MPST: variants seen among roughly 807,000 people sequenced by gnomAD.
MPST encodes mercaptopyruvate sulfurtransferase, also known as 3-mercaptopyruvate sulfurtransferase.
A neutral mutation model predicts 28.5 loss-of-function variants in MPST; 27 were observed. The ratio of observed to expected loss-of-function variants is 0.95; its 90% CI spans 0.70 to 1.31. MPST has a LOEUF of 1.31. Among genes scored for constraint, MPST ranks in the 50% most tolerant of loss-of-function variants. The pLI is 0.00. For missense variants in MPST, 492 were observed against 471.1 expected, an observed-to-expected ratio of 1.04 and a Z score of -0.41; for synonymous variants, 204 against 209.3, an observed-to-expected ratio of 0.97 and a Z score of 0.22.
intron 1 of MPST, chr22:37,023,127 G>A (rs1569165179): frequency 6.6e-6 from 1 of 152,626 alleles, no homozygotes; most frequent in Non-Finnish European, 1.5e-5. Flanking sequence ...GCCCAGGCTG[G>A]ACAGGCAAAA....
rs187611065 is a variant in MPST, at chr22:37,024,485, C to T, written c.330C>T (p.Gly110=). 5.1e-4 allele frequency: 790 copies of T among 1,558,590 alleles called. 3 individuals are homozygous for T. In the African/African-American group the frequency reaches 8.8e-3, roughly 17 times the overall value. Residue 110 remains glycine (G), a synonymous_variant, in exon 2 of 3, where the codon GGC becomes GGT. Coordinates refer to ENST00000429360, the MANE Select transcript of MPST (RefSeq NM_021126.8). Reference sequence around the variant, plus strand: ...TCGCGGAGTACGCAGGCCGCCTGGGCGTGGGCGCGGCCACCCACGTCGTGA... The same window carrying T: ...TCGCGGAGTACGCAGGCCGCCTGGGTGTGGGCGCGGCCACCCACGTCGTGA... ...EHFAEYAGRL[G]VGAATHVVIY...
chr22:37,022,405 G>C (rs978035458), intron 1 of MPST, among the ~76,000 whole-genome samples: 1 of 152,158 alleles, frequency 6.6e-6, no homozygotes, highest in Non-Finnish European at 1.5e-5. Context: ...TTCCCCCCAG[G>C]GCTTGGCAAA....
intron 2 of MPST, chr22:37,028,753 A>AT (rs11376623): frequency 0.17 from 26,522 of 153,312 alleles, 2,424 homozygotes; most frequent in Middle Eastern, 0.22. Context: ...TACTGGCGTT[A>AT]TTTTTTTTTT....
rs1162879375 is a variant in MPST, at chr22:37,024,398, C to T, written c.243C>T (p.Asp81=). The part of the protein sequence containing the change: ...ERHIPGAAFF[D]IDQCSDRTSP... The stretch of plus-strand genomic sequence containing the variant: ...ACATCCCGGGCGCCGCTTTCTTCGA[C>T]ATCGACCAGTGCAGCGACCGCACCT... Residue 81 remains aspartate (D), a synonymous_variant, in exon 2 of 3, where the codon GAC becomes GAT. Coordinates refer to ENST00000429360, the MANE Select transcript of MPST (RefSeq NM_021126.8). 3 of 1,546,068 alleles carry T rather than the reference C, an allele frequency of 1.9e-6. No homozygotes were observed. Among genetic ancestry groups the T allele is most frequent in the East Asian group, 4.8e-5 (2 of 41,350 alleles).
intron 1 of MPST, among the ~76,000 whole-genome samples, chr22:37,021,529 G>A (rs1371922369): frequency 1.3e-5 from 2 of 152,072 alleles, no homozygotes; most frequent in Admixed American, 1.3e-4. Flanking sequence ...CTGGAGTGCA[G>A]TGGCGCGATC....
At chr22:37,026,910 A>G (rs1923566629) in intron 2 of MPST, 2 of 152,430 alleles carry the variant, frequency 1.3e-5, no homozygotes, top group South Asian at 2.1e-4. Context: ...GATTTGAATC[A>G]TTCGTTTTTG....
In MPST at chr22:37,024,281, C is replaced by T. The variant is rs1467433561; in HGVS notation, c.126C>T (p.Ala42=). The T allele has an allele frequency of 2.0e-6, 3 of 1,504,162 alleles. No individual in the cohort carries two copies. The highest frequency in any genetic ancestry group is 2.6e-6 in the Non-Finnish European group (3 of 1,132,934). 93.2% of individuals were successfully genotyped at this position (1,504,162 alleles called of 1,614,324 possible). A position where few individuals can be genotyped will look rare whatever the true frequency, so the allele number is the denominator to read the frequency against. The change falls in exon 2 of 3, where the codon GCC becomes GCT. Residue 42 remains alanine, a synonymous_variant. Coordinates refer to ENST00000429360, the MANE Select transcript of MPST (RefSeq NM_021126.8). The part of the protein sequence containing the change: ...SAQWVAEALR[A]PRAGQPLQLL... ...AATGGGTGGCGGAGGCGCTGCGGGC[C>T]CCGCGCGCTGGGCAGCCTCTGCAGC...
In MPST at chr22:37,019,813, AG is replaced by A; in HGVS notation, c.-19del. The A allele has an allele frequency of 5.2e-6, 6 of 1,146,404 alleles. No individual in the cohort carries two copies. Among genetic ancestry groups the A allele is most frequent in the African/African-American group, 1.6e-5 (1 of 61,650 alleles). The allele number at this position is 1,146,404 out of a possible 1,614,324, so 71.0% of individuals were successfully genotyped here. A position where few individuals can be genotyped will look rare whatever the true frequency, so the allele number is the denominator to read the frequency against. On this transcript the variant is annotated 5_prime_UTR_variant, in exon 1 of 3. Coordinates refer to ENST00000429360, the MANE Select transcript of MPST (RefSeq NM_021126.8). ...GGAGGGGACAGCTGCGGGCGCGGGG[AG>A]GGGGCGCCGCGCCGCGGGGGCCATG...
Position 37,024,791 on chromosome 22 carries a change from C to A in MPST, c.636C>A (p.Thr212=). 6.2e-7 allele frequency: 1 copy of A among 1,602,608 alleles called. No homozygotes were observed. Among genetic ancestry groups the A allele is most frequent in the Admixed American group, 1.7e-5 (1 of 59,922 alleles). ...GAGCCACTGGCAGGTTCCGCGGCAC[C>A]GAGCCCGAGCCCCGAGACGGTAACG... ...DSRATGRFRG[T]EPEPRDGIEP... Residue 212 remains threonine (T), a synonymous_variant, in exon 2 of 3, where the codon ACC becomes ACA. Transcript: ENST00000429360.
In MPST at chr22:37,029,519, G is replaced by T; in HGVS notation, c.*5G>T. On this transcript the variant is annotated 3_prime_UTR_variant, in exon 3 of 3. Transcript: ENST00000429360. Reference sequence around the variant, plus strand: ...GGCCGGGGGAAGACCCACTGAAGCTGGGCAGGACACAGGCGAGCTCAGGTG... The same window carrying T: ...GGCCGGGGGAAGACCCACTGAAGCTTGGCAGGACACAGGCGAGCTCAGGTG... 1.3e-6 allele frequency: 2 copies of T among 1,596,616 alleles called. No individual in the cohort carries two copies. The highest frequency in any genetic ancestry group is 1.7e-6 in the Non-Finnish European group (2 of 1,169,800).
Position 37,024,224 on chromosome 22 carries a change from G to A in MPST, c.69G>A (p.Ser23=). 3 of 1,385,282 alleles carry A rather than the reference G, an allele frequency of 2.2e-6. No homozygotes were observed. The highest frequency in any genetic ancestry group is 2.8e-6 in the Non-Finnish European group (3 of 1,077,726). 85.8% of individuals were successfully genotyped at this position (1,385,282 alleles called of 1,614,324 possible). ...GCCCGAGTGTCGCCGCCATGGCTTC[G>A]CCGCAGCTCTGCCGCGCGCTGGTGT... ...ARSPSVAAMA[S]PQLCRALVSA... Residue 23 remains serine, a synonymous_variant, in exon 2 of 3, where the codon TCG becomes TCA. Coordinates refer to ENST00000429360, the MANE Select transcript of MPST (RefSeq NM_021126.8).
intron 2 of MPST, chr22:37,026,383 A>T: frequency 6.6e-6 from 1 of 152,152 alleles, no homozygotes; most frequent in Non-Finnish European, 1.5e-5. Flanking sequence ...TGTGCTGCAC[A>T]CTTGTGCCTG....
At position 37,029,700 on chromosome 22, in the gene MPST, G is replaced by A. The variant is rs908512580; in HGVS notation, c.*186G>A. ...TGCCAGTAGGGGCGGGAGGAAAGGC[G>A]GAGGCGAGCCCTGGAGGAGGGAGGC... is the stretch of plus-strand genomic sequence containing the variant. On this transcript the variant is annotated 3_prime_UTR_variant, in exon 3 of 3. Coordinates refer to ENST00000429360, the MANE Select transcript of MPST (RefSeq NM_021126.8). 2.2e-5 allele frequency: 15 copies of A among 672,468 alleles called. No homozygotes were observed. The highest frequency in any genetic ancestry group is 7.8e-5 in the South Asian group (4 of 51,288). The allele number at this position is 672,468 out of a possible 1,614,324, so 41.7% of individuals were successfully genotyped here. A position where few individuals can be genotyped will look rare whatever the true frequency, so the allele number is the denominator to read the frequency against.
chr22:37,023,703 A>G (rs1423324158), intron 1 of MPST: 12 of 998,438 alleles, frequency 1.2e-5, no homozygotes, highest in Non-Finnish European at 1.5e-5. Flanking sequence ...GTTAGGATTC[A>G]GTGGTACCCA....
chr22:37,024,264 GC>G lies in MPST; in HGVS notation c.110del (p.Ala37GlyfsTer82), dbSNP rs1490865584. The G allele has an allele frequency of 6.8e-7, 1 of 1,461,778 alleles. No individual in the cohort carries two copies. The highest frequency in any genetic ancestry group is 9.0e-7 in the Non-Finnish European group (1 of 1,116,200). 90.6% of individuals were successfully genotyped at this position (1,461,778 alleles called of 1,614,324 possible). Reference protein sequence around the residue: ...CRALVSAQWVAEALRAPRAGQ... With the variant: ...CRALVSAQWVXEALRAPRAGQ... ...CGCGCTGGTGTCGGCGCAATGGGTG[GC>G]GGAGGCGCTGCGGGCCCCGCGCGCT... On this transcript the variant is annotated frameshift_variant, in exon 2 of 3. Transcript: ENST00000429360. LOFTEE classifies it high-confidence loss of function.
intron 1 of MPST, chr22:37,023,816 A>C (rs1207729884): frequency 2.4e-6 from 3 of 1,251,920 alleles, no homozygotes; most frequent in Non-Finnish European, 3.1e-6. Flanking sequence ...TTGCAAATAA[A>C]GCCGAGCTGC....
In MPST at chr22:37,029,475, C is replaced by A. The variant is rs752914954; in HGVS notation, c.915C>A (p.Pro305=). Residue 305 remains proline (P), a synonymous_variant, in exon 3 of 3, where the codon CCC becomes CCA. Transcript: ENST00000429360. ...TGGAGTGGTACATGCGCGCCCGGCCCGAGGATGTCATCTCAGAGGGCCGGG... is the reference window on the plus strand; with the variant it reads ...TGGAGTGGTACATGCGCGCCCGGCCAGAGGATGTCATCTCAGAGGGCCGGG... ...SWVEWYMRAR[P]EDVISEGRGK... 2 of 1,610,586 alleles carry A rather than the reference C, an allele frequency of 1.2e-6. No homozygotes were observed. Among genetic ancestry groups the A allele is most frequent in the Non-Finnish European group, 1.7e-6 (2 of 1,178,272 alleles).
chr22:37,020,138 A>C, intron 1 of MPST: 1 of 371,992 alleles, frequency 2.7e-6, no homozygotes. Context: ...AGAGAGGAGG[A>C]CAGGGAGACG....
intron 2 of MPST, chr22:37,025,091 C>T: frequency 2.7e-6 from 4 of 1,490,846 alleles, no homozygotes; most frequent in Non-Finnish European, 3.6e-6. Flanking sequence ...ACCCTCCCCG[C>T]TCAGCCTGAC....
Sources: allele counts gnomAD v4.1 joint callset (sites outside exome capture counted in the v4.1 genomes callset), GRCh38; gene constraint gnomAD v4.1.1; transcripts MANE v1.5; gene names NCBI Gene and HGNC (gene_info 2026-07-23, HGNC 2026-07-21).